The following PDPN variants were observed in gnomAD, a reference collection of about 807,000 sequenced individuals.
The protein encoded by PDPN is podoplanin.
A neutral mutation model predicts 23.2 loss-of-function variants in PDPN; 12 were observed. That is an observed-to-expected ratio of 0.52 (90% CI 0.33 to 0.84). PDPN has a LOEUF of 0.84. Ranked by LOEUF, PDPN falls within the 40% of genes least tolerant of loss-of-function variation. PDPN has a pLI of 0.02. For synonymous variants in PDPN, 77 were observed against 76.7 expected, an observed-to-expected ratio of 1.00 and a Z score of -0.02; for missense variants, 199 against 212.2, an observed-to-expected ratio of 0.94 and a Z score of 0.39.
intron 1 of PDPN, among the ~76,000 whole-genome samples, chr1:13,603,431 G>C (rs886479041): frequency 6.6e-6 from 1 of 152,108 alleles, no homozygotes; most frequent in Non-Finnish European, 1.5e-5. Context: ...GCAATCTAGC[G>C]AGTTATTAGA....
At chr1:13,602,813 C>G (rs923227738) in intron 1 of PDPN, among the ~76,000 whole-genome samples, 16 of 152,078 alleles carry the variant, frequency 1.1e-4, no homozygotes, top group African/African-American at 3.6e-4. Flanking sequence ...GGTGATCCAC[C>G]CGTCTCAGCC....
At chr1:13,601,076 G>T (rs1248159696) in intron 1 of PDPN, among the ~76,000 whole-genome samples, 5 of 152,236 alleles carry the variant, frequency 3.3e-5, no homozygotes, top group African/African-American at 4.8e-5. Context: ...CTGCGTCAGT[G>T]CCAGATCTTG....
intron 1 of PDPN, among the ~76,000 whole-genome samples, chr1:13,603,504 G>A (rs1034539495): frequency 4.6e-5 from 7 of 151,686 alleles, no homozygotes; most frequent in South Asian, 2.1e-4. Context: ...CATTGCTTAC[G>A]TTTATTTGTT....
Position 13,607,171 on chromosome 1 carries a change from A to G in PDPN, c.68-2A>G, listed in dbSNP as rs1292202104. The G allele has an allele frequency of 1.2e-6, 2 of 1,613,516 alleles. No individual in the cohort carries two copies. Among genetic ancestry groups the G allele is most frequent in the African/African-American group, 1.3e-5 (1 of 74,908 alleles). The stretch of plus-strand genomic sequence containing the variant: ...AGCTCTGACTCAATCTTTCTTCTTC[A>G]GCCAGCACAGGCCAGCCAGAAGATG... On this transcript the variant is annotated splice_acceptor_variant, in intron 1 of 5. Coordinates refer to ENST00000621990, the MANE Select transcript of PDPN (RefSeq NM_006474.5). LOFTEE classifies it high-confidence loss of function.
At chr1:13,587,577 C>T (rs375556977) in intron 1 of PDPN, among the ~76,000 whole-genome samples, 1 of 152,118 alleles carries the variant, frequency 6.6e-6, no homozygotes, top group Non-Finnish European at 1.5e-5. Flanking sequence ...TTCCAGGAAG[C>T]CTTGCCACTC....
chr1:13,602,029 C>CCTTTGGGTGGCTCAGCA (rs1640655646), intron 1 of PDPN, among the ~76,000 whole-genome samples: 1 of 57,516 alleles, frequency 1.7e-5, no homozygotes, highest in African/African-American at 1.3e-4. Context: ...GTGGCTCATG[C>CCTTTGGGTGGCTCAGCA]CTTTGGGTGG....
At chr1:13,589,573 T>G (rs560481952) in intron 1 of PDPN, among the ~76,000 whole-genome samples, 2 of 152,158 alleles carry the variant, frequency 1.3e-5, no homozygotes, top group Non-Finnish European at 2.9e-5. Flanking sequence ...TGGAGCTTCT[T>G]GTATTTTATA....
chr1:13,608,054 G>C (rs937732931), intron 2 of PDPN, among the ~76,000 whole-genome samples: 1 of 152,080 alleles, frequency 6.6e-6, no homozygotes, highest in African/African-American at 2.4e-5. Context: ...GCAGTGAGCC[G>C]AGATCGCACC....
intron 1 of PDPN, among the ~76,000 whole-genome samples, chr1:13,585,886 G>A (rs1032558066): frequency 2.6e-5 from 4 of 152,106 alleles, no homozygotes; most frequent in East Asian, 1.9e-4. Context: ...GGGCTGGGGG[G>A]TAATTATGGT....
chr1:13,584,210 G>T, intron 1 of PDPN, 110 bp downstream of exon 1: 1 of 1,520,632 alleles, frequency 6.6e-7, no homozygotes, highest in Non-Finnish European at 8.9e-7. Context: ...GAGCGCGGGG[G>T]AGCTGAGGGT....
chr1:13,592,623 C>T (rs1419393490), intron 1 of PDPN, among the ~76,000 whole-genome samples: 1 of 147,726 alleles, frequency 6.8e-6, no homozygotes, highest in Non-Finnish European at 1.5e-5. Context: ...GATCTTGGCT[C>T]ACCGCAACCT....
At chr1:13,588,520 GT>G (rs1640241495) in intron 1 of PDPN, among the ~76,000 whole-genome samples, 1 of 146,716 alleles carries the variant, frequency 6.8e-6, no homozygotes, top group South Asian at 2.2e-4. Flanking sequence ...ATTTGTTGAT[GT>G]TTAAACCTTC....
At chr1:13,608,331 A>G (rs1293756622) in intron 2 of PDPN, among the ~76,000 whole-genome samples, 3 of 152,208 alleles carry the variant, frequency 2.0e-5, no homozygotes, top group African/African-American at 7.2e-5. Flanking sequence ...TGAGGAGGTC[A>G]ATGAGCCACA....
chr1:13,593,411 G>C (rs1476231007), intron 1 of PDPN, among the ~76,000 whole-genome samples: 2 of 152,144 alleles, frequency 1.3e-5, no homozygotes, highest in Admixed American at 1.3e-4. Context: ...TTTGCTGCTT[G>C]AATTTCCCCT....
rs149894768 is a variant in PDPN at position 13,590,342 on chromosome 1, C to T, written c.67+6242C>T. ...CTTGCAAAGAGAGGCAAGACAGGTGCGTGTTTTCTACACATGTAGAAAGAA... is the reference window on the plus strand; with the variant it reads ...CTTGCAAAGAGAGGCAAGACAGGTGTGTGTTTTCTACACATGTAGAAAGAA... On this transcript the variant is annotated intron_variant, in intron 1 of 5. Coordinates refer to ENST00000621990, the MANE Select transcript of PDPN (RefSeq NM_006474.5). Among the ~76,000 whole-genome samples the T allele has an allele frequency of 2.8e-4, 42 of 152,290 alleles. No individual in the cohort carries two copies. The East Asian group carries it at 4.1e-3, about 15-fold the overall frequency.
At chr1:13,602,867 CAACTCTA>C (rs1168911237) in intron 1 of PDPN, among the ~76,000 whole-genome samples, 3 of 151,976 alleles carry the variant, frequency 2.0e-5, no homozygotes, top group African/African-American at 7.2e-5. Flanking sequence ...CGTGCCTGGC[CAACTCTA>C]AAGTATTTTT....
chr1:13,613,647 A>G (rs2100286843), intron 3 of PDPN, 40 bp from the exon 4 acceptor site: 1 of 984,504 alleles, frequency 1.0e-6, no homozygotes, highest in Non-Finnish European at 1.6e-6. Context: ...TAGTTATTAA[A>G]CCCTAATAAT....
intron 2 of PDPN, among the ~76,000 whole-genome samples, chr1:13,610,040 G>A (rs771475093): frequency 6.6e-6 from 1 of 151,796 alleles, no homozygotes; most frequent in African/African-American, 2.4e-5. Context: ...CTCCAGCCTG[G>A]GCAACAAGAG....
At chr1:13,598,680 C>G (rs1640559472) in intron 1 of PDPN, among the ~76,000 whole-genome samples, 1 of 152,140 alleles carries the variant, frequency 6.6e-6, no homozygotes, top group East Asian at 1.9e-4. Context: ...CTCTGTCCTC[C>G]TCAGCCCCTC....
Sources: gnomAD v4.1 joint callset for allele counts (sites outside exome capture counted in the v4.1 genomes callset) on GRCh38, gnomAD v4.1.1 for gene constraint, MANE v1.5 for transcripts, NCBI Gene and HGNC (gene_info 2026-07-23, HGNC 2026-07-21) for gene names.